The following RAPGEF2 variants were observed in gnomAD, a reference collection of about 807,000 sequenced individuals.
RAPGEF2 encodes Rap guanine nucleotide exchange factor 2.
RAPGEF2 carries 54 observed loss-of-function variants against 186.7 expected under a neutral mutation model. That is an observed-to-expected ratio of 0.29 (90% CI 0.23 to 0.36). The LOEUF (loss-of-function observed/expected upper bound fraction) is 0.36. RAPGEF2 is among the 10% of genes least tolerant of loss of function. The pLI, the probability that RAPGEF2 is intolerant of heterozygous loss-of-function variation, is 1.00. For synonymous variants in RAPGEF2, 712 were observed against 705.9 expected (o/e 1.01, Z -0.14); for missense variants, 1,532 against 2,045.0 (o/e 0.75, Z 4.84).
intron 1 of RAPGEF2, among the ~76,000 whole-genome samples, chr4:159,185,042 A>G (rs971811492): frequency 6.6e-6 from 1 of 152,298 alleles, no homozygotes; most frequent in African/African-American, 2.4e-5. Context: ...CACTTATCCA[A>G]GAAGTTATAT....
At chr4:159,332,147 T>A in intron 16 of RAPGEF2, 113 bp downstream of exon 16, 1 of 721,540 alleles carries the variant, frequency 1.4e-6, no homozygotes, top group Non-Finnish European at 2.2e-6. Context: ...AAATAAAAAC[T>A]ACTGACTTGA....
intron 3 of RAPGEF2, among the ~76,000 whole-genome samples, chr4:159,209,191 CAA>C (rs146288884): frequency 0.082 from 8,467 of 103,136 alleles, 240 homozygotes; most frequent in African/African-American, 0.16. Flanking sequence ...CATGCCCAGC[CAA>C]AAAAAAAAAA....
intron 2 of RAPGEF2, among the ~76,000 whole-genome samples, chr4:159,188,972 A>T (rs925068174): frequency 6.6e-6 from 1 of 152,248 alleles, no homozygotes; most frequent in Non-Finnish European, 1.5e-5. Flanking sequence ...TCTTTTTTAG[A>T]ACAAGATCAG....
intron 1 of RAPGEF2, among the ~76,000 whole-genome samples, chr4:159,137,320 G>T (rs1741824420): frequency 1.3e-5 from 2 of 152,144 alleles, no homozygotes; most frequent in Admixed American, 1.3e-4. Flanking sequence ...CTTTCCTGCT[G>T]TGTCCTCACA....
At chr4:159,147,121 G>A (rs140971215) in intron 1 of RAPGEF2, among the ~76,000 whole-genome samples, 450 of 152,134 alleles carry the variant, frequency 3.0e-3, no homozygotes, top group African/African-American at 8.6e-3. Context: ...CCACTTTACC[G>A]TTCTATTAAC....
intron 9 of RAPGEF2, among the ~76,000 whole-genome samples, chr4:159,317,809 A>C (rs1764779228): frequency 6.6e-6 from 1 of 152,216 alleles, no homozygotes; most frequent in Admixed American, 6.5e-5. Flanking sequence ...GGTGCTTTAA[A>C]AAAAAAAATT....
intron 1 of RAPGEF2, among the ~76,000 whole-genome samples, chr4:159,178,158 C>T (rs1485057225): frequency 2.6e-5 from 4 of 152,124 alleles, no homozygotes; most frequent in South Asian, 4.1e-4. Flanking sequence ...TGAAACAAAA[C>T]CCCTTTTAAA....
At position 159,148,954 on chromosome 4, in the gene RAPGEF2, G is replaced by A. The variant is rs138467177; in HGVS notation, c.70-37688G>A. ...TATTTTTGGGGTCCAAATTAAACTT[G>A]GATTAAACAAGTTTATTGTTTACTG... On this transcript the variant is annotated intron_variant, in intron 1 of 29. Coordinates refer to ENST00000691494, the MANE Select transcript of RAPGEF2 (RefSeq NM_001394067.2). Among the ~76,000 whole-genome samples the A allele has an allele frequency of 4.1e-3, 621 of 152,194 alleles. 7 individuals are homozygous for A. Among genetic ancestry groups the A allele is most frequent in the Non-Finnish European group, 6.5e-3 (441 of 68,004 alleles).
At chr4:159,298,715 G>A (rs1173475994) in intron 7 of RAPGEF2, among the ~76,000 whole-genome samples, 1 of 152,150 alleles carries the variant, frequency 6.6e-6, no homozygotes, top group Non-Finnish European at 1.5e-5. Flanking sequence ...CTATAGCTGG[G>A]TGAGTTTGGC....
intron 1 of RAPGEF2, among the ~76,000 whole-genome samples, chr4:159,164,739 T>C (rs1308843038): frequency 6.6e-6 from 1 of 152,206 alleles, no homozygotes; most frequent in African/African-American, 2.4e-5. Flanking sequence ...TATTTTGGTT[T>C]GATAGTTTAT....
chr4:159,322,537 C>T, intron 10 of RAPGEF2, 54 bp downstream of exon 10: 2 of 1,497,108 alleles, frequency 1.3e-6, no homozygotes, highest in Non-Finnish European at 1.8e-6. Flanking sequence ...TATCTCAATA[C>T]AGCAATTGAA....
At chr4:159,163,100 T>C (rs575699489) in intron 1 of RAPGEF2, among the ~76,000 whole-genome samples, 1 of 152,364 alleles carries the variant, frequency 6.6e-6, no homozygotes, top group African/African-American at 2.4e-5. Flanking sequence ...TTTTGTATCA[T>C]ACTATTCCAG....
chr4:159,320,816 A>T (rs1765151468), intron 9 of RAPGEF2, among the ~76,000 whole-genome samples: 1 of 152,118 alleles, frequency 6.6e-6, no homozygotes, highest in African/African-American at 2.4e-5. Context: ...AAATCTTAAC[A>T]GATAAAAGGA....
chr4:159,203,192 G>A (rs866110318), intron 3 of RAPGEF2, among the ~76,000 whole-genome samples: 1 of 152,110 alleles, frequency 6.6e-6, no homozygotes. Context: ...GGATATTGCC[G>A]AGGAGGCTCT....
At chr4:159,136,019 G>T (rs1197555684) in intron 1 of RAPGEF2, among the ~76,000 whole-genome samples, 1 of 152,210 alleles carries the variant, frequency 6.6e-6, no homozygotes, top group East Asian at 1.9e-4. Flanking sequence ...AAGTACATTT[G>T]TCAAAAGTAA....
At chr4:159,330,157 T>G (rs372690191) in intron 12 of RAPGEF2, 147 bp downstream of exon 12, 3 of 871,924 alleles carry the variant, frequency 3.4e-6, no homozygotes, top group African/African-American at 1.7e-5. Context: ...TCCTAGTGAA[T>G]AGCAGTTTCA....
At chr4:159,234,614 G>T (rs1357814850) in intron 4 of RAPGEF2, among the ~76,000 whole-genome samples, 2 of 148,378 alleles carry the variant, frequency 1.3e-5, no homozygotes, top group Non-Finnish European at 3.0e-5. Flanking sequence ...GGAATGCAGT[G>T]GTGTGATCTC....
chr4:159,271,141 C>T (rs937264142), intron 7 of RAPGEF2, among the ~76,000 whole-genome samples: 3 of 152,020 alleles, frequency 2.0e-5, no homozygotes, highest in Non-Finnish European at 4.4e-5. Flanking sequence ...CTCAATTTAC[C>T]AACTGTTGTG....
At chr4:159,149,772 A>G (rs1743334335) in intron 1 of RAPGEF2, among the ~76,000 whole-genome samples, 1 of 152,212 alleles carries the variant, frequency 6.6e-6, no homozygotes, top group South Asian at 2.1e-4. Flanking sequence ...TCTGGTAAGC[A>G]TCTTATAGAG....
Sources: allele counts gnomAD v4.1 joint callset (sites outside exome capture counted in the v4.1 genomes callset), GRCh38; gene constraint gnomAD v4.1.1; transcripts MANE v1.5; gene names NCBI Gene and HGNC (gene_info 2026-07-23, HGNC 2026-07-21).